The following OPRM1 variants were observed in gnomAD, a reference collection of about 807,000 sequenced individuals.
The protein encoded by OPRM1 is opioid receptor mu 1.
A neutral mutation model predicts 31.8 loss-of-function variants in OPRM1; 27 were observed. The observed-to-expected ratio is 0.85, with a 90% CI of 0.63 to 1.17. The LOEUF (loss-of-function observed/expected upper bound fraction) is 1.17. Ranked by LOEUF, OPRM1 falls within the 50% of genes most tolerant of loss-of-function variation. OPRM1 has a pLI of 0.00. For missense variants in OPRM1, 536 were observed against 511.1 expected (o/e 1.05, Z -0.47); for synonymous variants, 196 against 189.9 (o/e 1.03, Z -0.26).
At chr6:154,188,938 AAAAAAGCATTTAACCAT>A (rs2128578294) in intron 3 of OPRM1, among the ~76,000 whole-genome samples, 1 of 152,092 alleles carries the variant, frequency 6.6e-6, no homozygotes, top group South Asian at 2.1e-4. Context: ...TTGATACCAA[AAAAAAGCATTTAACCAT>A]AAAGGAAAGG....
intron 1 of OPRM1, among the ~76,000 whole-genome samples, chr6:154,066,067 C>T (rs1283736169): frequency 6.6e-6 from 1 of 152,076 alleles, no homozygotes; most frequent in Non-Finnish European, 1.5e-5. Context: ...TGATATATTA[C>T]ATTGATTGGT....
chr6:154,175,239 A>C (rs901282655), intron 3 of OPRM1, among the ~76,000 whole-genome samples: 1 of 152,194 alleles, frequency 6.6e-6, no homozygotes, highest in Non-Finnish European at 1.5e-5. Context: ...TAAAATTGAC[A>C]CCCTAACATC....
At chr6:154,020,751 A>G (rs1778318277) in intron 1 of OPRM1, among the ~76,000 whole-genome samples, 2 of 152,302 alleles carry the variant, frequency 1.3e-5, no homozygotes, top group Middle Eastern at 3.4e-3. Flanking sequence ...ATTTAGTGGT[A>G]TCTCGTTTTA....
intron 3 of OPRM1, among the ~76,000 whole-genome samples, chr6:154,243,686 A>C (rs1225045175): frequency 1.3e-5 from 2 of 152,184 alleles, no homozygotes; most frequent in Non-Finnish European, 1.5e-5. Flanking sequence ...GGTGGTCTTA[A>C]TTGTGTCATG....
At position 154,052,393 on chromosome 6, in the gene OPRM1, ATC is replaced by A. The variant is rs1782397609; in HGVS notation, c.290+12563_290+12564del. Among the ~76,000 whole-genome samples the A allele has an allele frequency of 2.0e-5, 3 of 152,366 alleles. No homozygotes were observed. In the South Asian group the frequency reaches 6.2e-4, roughly 32 times the overall value. Reference sequence around the variant, plus strand: ...TATTTCTGGTTTTTACAATCAGATAATCTCTGTCATAACTACTCAGTTCTGCT... The same window carrying A: ...TATTTCTGGTTTTTACAATCAGATAATCTGTCATAACTACTCAGTTCTGCT... On this transcript the variant is annotated intron_variant, in intron 1 of 3. Coordinates refer to ENST00000330432, the MANE Select transcript of OPRM1 (RefSeq NM_000914.5).
At chr6:154,186,884 G>T (rs1425574728) in intron 3 of OPRM1, among the ~76,000 whole-genome samples, 1 of 152,194 alleles carries the variant, frequency 6.6e-6, no homozygotes, top group East Asian at 1.9e-4. Context: ...ATTTCAGTGA[G>T]ATGGCACCGC....
chr6:154,170,843 G>T (rs970562376), intron 3 of OPRM1, among the ~76,000 whole-genome samples: 3 of 152,164 alleles, frequency 2.0e-5, no homozygotes, highest in African/African-American at 7.2e-5. Flanking sequence ...TTGTTAGTGG[G>T]AATGTAAAAC....
chr6:154,119,210 AACTT>A lies in OPRM1; in HGVS notation c.*490_*493del. ...ATCCATTATTCTATTTTAGACTTTT[AACTT>A]CACCTTAAAATTAGCATCTGGCTAA... is the stretch of plus-strand genomic sequence containing the variant. On this transcript the variant is annotated 3_prime_UTR_variant, in exon 4 of 4. Transcript: ENST00000330432. 1.0e-6 allele frequency: 1 copy of A among 986,072 alleles called. No individual in the cohort carries two copies. 61.1% of individuals were successfully genotyped at this position (986,072 alleles called of 1,614,324 possible). A position where few individuals can be genotyped will look rare whatever the true frequency, so the allele number is the denominator to read the frequency against.
Position 154,091,310 on chromosome 6 carries a change from C to T in OPRM1, c.1002C>T (p.Asn334=). Residue 334 remains asparagine (N), a synonymous_variant, in exon 3 of 4, where the codon AAC becomes AAT. Coordinates refer to ENST00000330432, the MANE Select transcript of OPRM1 (RefSeq NM_000914.5). ...TAGGTTACACAAACAGCTGCCTCAA[C>T]CCAGTCCTTTATGCATTTCTGGATG... ...IALGYTNSCL[N]PVLYAFLDEN... 5 of 1,614,196 alleles carry T rather than the reference C, an allele frequency of 3.1e-6. No individual in the cohort carries two copies. The South Asian group carries it at 4.4e-5, about 14-fold the overall frequency.
intron 1 of OPRM1, among the ~76,000 whole-genome samples, chr6:154,051,889 G>A (rs1484267177): frequency 6.6e-6 from 1 of 152,134 alleles, no homozygotes; most frequent in Non-Finnish European, 1.5e-5. Flanking sequence ...TATGTTTATT[G>A]TAGCACTGTT....
chr6:154,236,629 G>A (rs1780156998), intron 3 of OPRM1, among the ~76,000 whole-genome samples: 1 of 152,162 alleles, frequency 6.6e-6, no homozygotes, highest in Admixed American at 6.5e-5. Context: ...CATTTTCCAA[G>A]GTAAGTTTTA....
At chr6:154,178,723 G>T (rs183962865) in intron 3 of OPRM1, among the ~76,000 whole-genome samples, 264 of 152,242 alleles carry the variant, frequency 1.7e-3, no homozygotes, top group African/African-American at 6.0e-3. Context: ...CCAAAAATGA[G>T]ATAATGGCAA....
In OPRM1 at chr6:154,125,595, A is replaced by C. The variant is rs1317287930; in HGVS notation, c.*6874A>C. Among the ~76,000 whole-genome samples the C allele has an allele frequency of 2.0e-5, 3 of 151,880 alleles. No homozygotes were observed. Among genetic ancestry groups the C allele is most frequent in the African/African-American group, 7.3e-5 (3 of 41,338 alleles). The stretch of plus-strand genomic sequence containing the variant: ...ATGCACTGTAATAGGAATGTTTAGC[A>C]AAAAAAACCTTCCAGAGAAAGGTGG... On this transcript the variant is annotated 3_prime_UTR_variant, in exon 4 of 4. Coordinates refer to ENST00000330432, the MANE Select transcript of OPRM1 (RefSeq NM_000914.5).
chr6:154,149,137 T>G (rs889136555), intron 3 of OPRM1, among the ~76,000 whole-genome samples: 1 of 152,162 alleles, frequency 6.6e-6, no homozygotes, highest in Admixed American at 6.5e-5. Flanking sequence ...GACTGGGTAA[T>G]TTATAAAGAA....
intron 3 of OPRM1, among the ~76,000 whole-genome samples, chr6:154,198,952 C>T (rs555537019): frequency 6.8e-4 from 104 of 152,218 alleles, no homozygotes; most frequent in Admixed American, 2.0e-3. Flanking sequence ...GAATGAATAG[C>T]GCACAATCAG....
intron 3 of OPRM1, among the ~76,000 whole-genome samples, chr6:154,190,652 C>A (rs1256415845): frequency 6.6e-6 from 1 of 152,162 alleles, no homozygotes; most frequent in East Asian, 1.9e-4. Context: ...CAATTGTACT[C>A]ATTGCTATTT....
In OPRM1 at chr6:154,039,702, G is replaced by A. The variant is rs933361818; in HGVS notation, c.158G>A (p.Gly53Asp). 5 of 1,613,580 alleles carry A rather than the reference G, an allele frequency of 3.1e-6. 1 individual carries two copies. Among genetic ancestry groups the A allele is most frequent in the Non-Finnish European group, 4.2e-6 (5 of 1,180,022 alleles). Reference sequence around the variant, plus strand: ...TGCGGTCCGAACCGCACCGACCTGGGCGGGAGAGACAGCCTGTGCCCTCCG... The same window carrying A: ...TGCGGTCCGAACCGCACCGACCTGGACGGGAGAGACAGCCTGTGCCCTCCG... ...DPCGPNRTDL[G>D]GRDSLCPPTG... The change falls in exon 1 of 4, where the codon GGC (glycine) becomes GAC (aspartate). Residue 53 changes from glycine to aspartate, a missense_variant. Coordinates refer to ENST00000330432, the MANE Select transcript of OPRM1 (RefSeq NM_000914.5).
Position 154,091,354 on chromosome 6 carries a change from T to G in OPRM1, c.1046T>G (p.Phe349Cys). 6.2e-7 allele frequency: 1 copy of G among 1,614,186 alleles called. No homozygotes were observed. The highest frequency in any genetic ancestry group is 8.5e-7 in the Non-Finnish European group (1 of 1,180,040). Residue 349 changes from phenylalanine to cysteine, a missense_variant, in exon 3 of 4, where the codon TTC becomes TGC. By Grantham distance (205) the Phe-to-Cys change is radical. Coordinates refer to ENST00000330432, the MANE Select transcript of OPRM1 (RefSeq NM_000914.5). ...AFLDENFKRCFREFCIPTSSN... is the reference protein window; with the variant it reads ...AFLDENFKRCCREFCIPTSSN... ...CTGGATGAAAACTTCAAACGATGCT[T>G]CAGAGAGTTCTGTATCCCAACCTCT...
At chr6:154,143,729 C>T (rs1044397170) in intron 3 of OPRM1, among the ~76,000 whole-genome samples, 3 of 152,130 alleles carry the variant, frequency 2.0e-5, no homozygotes, top group Non-Finnish European at 4.4e-5. Flanking sequence ...TTTAAAAGGG[C>T]AAGTTTGGTC....
Sources: gnomAD v4.1 joint callset for allele counts (sites outside exome capture counted in the v4.1 genomes callset) on GRCh38, gnomAD v4.1.1 for gene constraint, MANE v1.5 for transcripts, NCBI Gene and HGNC (gene_info 2026-07-23, HGNC 2026-07-21) for gene names.